PAX1: variants seen among roughly 807,000 people sequenced by gnomAD.
PAX1 encodes paired box 1, also known as paired box protein Pax-1.
A neutral mutation model predicts 35.6 loss-of-function variants in PAX1; 18 were observed. That is an observed-to-expected ratio of 0.50 (90% CI 0.35 to 0.75). The LOEUF (loss-of-function observed/expected upper bound fraction) is 0.75. Among genes scored for constraint, PAX1 ranks in the 30% least tolerant of loss-of-function variants. The pLI, the probability that PAX1 is intolerant of heterozygous loss-of-function variation, is 0.01. For missense variants in PAX1, 760 were observed against 661.5 expected, an observed-to-expected ratio of 1.15 and a Z score of -1.63; for synonymous variants, 397 against 305.2, an observed-to-expected ratio of 1.30 and a Z score of -3.14.
Position 21,708,496 on chromosome 20 carries a change from G to T in PAX1, c.917-62G>T. On this transcript the variant is annotated intron_variant, in intron 2 of 4. Coordinates refer to ENST00000613128, the MANE Select transcript of PAX1 (RefSeq NM_001257096.2). ...TCTTCAGATACAAATTGGGTGGTTG[G>T]CCACACGTGTGCCCAGGGCAGATTC... The T allele has an allele frequency of 2.5e-6, 4 of 1,601,516 alleles. No homozygotes were observed. The South Asian group carries it at 4.4e-5, about 18-fold the overall frequency.
rs1298497865 is a variant in PAX1, at chr20:21,715,020, TG to T, written c.*459del. Reference sequence around the variant, plus strand: ...TTCCCCGACCTTCCAGGGCTCCCTCTGCCCTTCCACTCTCTTTTCCTTGCTC... The same window carrying T: ...TTCCCCGACCTTCCAGGGCTCCCTCTCCCTTCCACTCTCTTTTCCTTGCTC... On this transcript the variant is annotated 3_prime_UTR_variant, in exon 5 of 5. Coordinates refer to ENST00000613128, the MANE Select transcript of PAX1 (RefSeq NM_001257096.2). 1 of 627,350 alleles carries T rather than the reference TG, an allele frequency of 1.6e-6. No individual in the cohort carries two copies. The highest frequency in any genetic ancestry group is 1.8e-5 in the African/African-American group (1 of 54,606). 38.9% of individuals were successfully genotyped at this position (627,350 alleles called of 1,614,324 possible). A position where few individuals can be genotyped will look rare whatever the true frequency, so the allele number is the denominator to read the frequency against.
At position 21,706,565 on chromosome 20, in the gene PAX1, G is replaced by C. The variant is rs773278440; in HGVS notation, c.414G>C (p.Arg138=). 1.2e-6 allele frequency: 2 copies of C among 1,612,232 alleles called. No individual in the cohort carries two copies. Among genetic ancestry groups the C allele is most frequent in the South Asian group, 1.1e-5 (1 of 91,088 alleles). The change falls in exon 2 of 5, where the codon CGG becomes CGC. Residue 138 remains arginine (R), a synonymous_variant. Coordinates refer to ENST00000613128, the MANE Select transcript of PAX1 (RefSeq NM_001257096.2). This position sits in a 1 kb window ranked among gnomAD's most constrained non-coding sequence, Gnocchi z 5.3. ...QLGIRPCDIS[R]QLRVSHGCVS... ...GCATCCGACCCTGTGACATCAGTCG[G>C]CAGCTCCGCGTATCCCACGGCTGCG...
Position 21,706,850 on chromosome 20 carries a change from G to T in PAX1, c.699G>T (p.Pro233=). The T allele has an allele frequency of 6.2e-7, 1 of 1,613,368 alleles. No homozygotes were observed. Among genetic ancestry groups the T allele is most frequent in the Non-Finnish European group, 8.5e-7 (1 of 1,180,014 alleles). The change falls in exon 2 of 5, where the codon CCG becomes CCT. Residue 233 remains proline (P), a synonymous_variant. Coordinates refer to ENST00000613128, the MANE Select transcript of PAX1 (RefSeq NM_001257096.2). The surrounding 1 kb of genome is among the most constrained non-coding windows in gnomAD (Gnocchi z 5.3). ...NKIGSLAQPG[P]YEASKQPPSQ... is the part of the protein sequence containing the mutation. ...TCGGCAGCCTGGCGCAGCCCGGACC[G>T]TACGAGGCAAGTAAGCAGCCGCCGT...
At position 21,706,051 on chromosome 20, in the gene PAX1, T is replaced by C; in HGVS notation, c.286+53T>C. On this transcript the variant is annotated intron_variant, in intron 1 of 4. Transcript: ENST00000613128. This position sits in a 1 kb window ranked among gnomAD's most constrained non-coding sequence, Gnocchi z 5.3. ...GGGAGGGCTGATGAGGTGGGTCGGGTCCGCCTGCCTCCCTTCCCTCTCGTC... is the reference window on the plus strand; with the variant it reads ...GGGAGGGCTGATGAGGTGGGTCGGGCCCGCCTGCCTCCCTTCCCTCTCGTC... 1 of 1,343,450 alleles carries C rather than the reference T, an allele frequency of 7.4e-7. No homozygotes were observed. Among genetic ancestry groups the C allele is most frequent in the Non-Finnish European group, 9.9e-7 (1 of 1,006,510 alleles). 83.2% of individuals were successfully genotyped at this position (1,343,450 alleles called of 1,614,324 possible).
At position 21,705,849 on chromosome 20, in the gene PAX1, G is replaced by A; in HGVS notation, c.137G>A (p.Gly46Asp). The A allele has an allele frequency of 7.3e-7, 1 of 1,372,176 alleles. No homozygotes were observed. 85.0% of individuals were successfully genotyped at this position (1,372,176 alleles called of 1,614,324 possible). A position where few individuals can be genotyped will look rare whatever the true frequency, so the allele number is the denominator to read the frequency against. ...CAGCGCGTCTCCAGCCCGCGGCTGG[G>A]CCGCCGCGGCTCTCGGCTCTCGGGC... ...RAQRVSSPRLGRRGSRLSGAL... is the reference protein window; with the variant it reads ...RAQRVSSPRLDRRGSRLSGAL... Residue 46 changes from glycine to aspartate, a missense_variant, in exon 1 of 5, where the codon GGC becomes GAC. This residue lies in a region of PAX1 where 222 missense variants were observed against 153.0 expected (regional missense o/e 1.45). Transcript: ENST00000613128.
At chr20:21,710,623 T>G (rs1314067914) in intron 4 of PAX1, among the ~76,000 whole-genome samples, 1 of 139,230 alleles carries the variant, frequency 7.2e-6, no homozygotes, top group Admixed American at 7.8e-5. Flanking sequence ...TCCTCCTTGG[T>G]GCTGCCCAGG....
intron 4 of PAX1, among the ~76,000 whole-genome samples, chr20:21,713,289 G>C (rs1407698113): frequency 6.6e-6 from 1 of 152,172 alleles, no homozygotes; most frequent in Non-Finnish European, 1.5e-5. Flanking sequence ...AAAAAGAGCT[G>C]AGAGCCAGGG....
intron 4 of PAX1, among the ~76,000 whole-genome samples, chr20:21,713,246 C>A (rs901814466): frequency 6.6e-6 from 1 of 152,176 alleles, no homozygotes; most frequent in Non-Finnish European, 1.5e-5. Context: ...GGTCTGAATA[C>A]TTGTTGGCTG....
intron 2 of PAX1, among the ~76,000 whole-genome samples, chr20:21,707,517 G>C (rs1162456264): frequency 6.6e-6 from 1 of 152,190 alleles, no homozygotes; most frequent in Non-Finnish European, 1.5e-5. Flanking sequence ...GGTCGATTGA[G>C]TGGCCTACAT....
chr20:21,715,528 G>A lies in PAX1; in HGVS notation c.*966G>A, dbSNP rs1775893198. 6.6e-6 allele frequency: 1 copy of A among 152,344 alleles called. No homozygotes were observed. The highest frequency in any genetic ancestry group is 1.5e-5 in the Non-Finnish European group (1 of 68,224). 9.4% of individuals were successfully genotyped at this position (152,344 alleles called of 1,614,324 possible). On this transcript the variant is annotated 3_prime_UTR_variant, in exon 5 of 5. Transcript: ENST00000613128. ...TGTCACCCCAAAGAAGACTGGGGTAGGAGTAGGGAGCACAGGGGTTGTTGG... is the reference window on the plus strand; with the variant it reads ...TGTCACCCCAAAGAAGACTGGGGTAAGAGTAGGGAGCACAGGGGTTGTTGG...
At chr20:21,712,011 G>A (rs1985211496) in intron 4 of PAX1, among the ~76,000 whole-genome samples, 1 of 152,134 alleles carries the variant, frequency 6.6e-6, no homozygotes, top group Admixed American at 6.5e-5. Context: ...TTTTCAGTAA[G>A]AAAAAATTCT....
At chr20:21,710,114 C>T (rs890513630) in intron 4 of PAX1, among the ~76,000 whole-genome samples, 21 of 151,852 alleles carry the variant, frequency 1.4e-4, no homozygotes, top group African/African-American at 5.1e-4. Context: ...TTCTCTCTTT[C>T]TGTGGAAAAT....
chr20:21,706,756 C>A lies in PAX1; in HGVS notation c.605C>A (p.Ala202Asp), dbSNP rs1337430085. Residue 202 changes from alanine (A) to aspartate (D), a missense_variant, in exon 2 of 5, where the codon GCC becomes GAC. Ala to Asp is a moderately radical substitution (Grantham distance 126). This residue lies in a region of PAX1 where 490 missense variants were observed against 428.4 expected (regional missense o/e 1.14). Transcript: ENST00000613128. The surrounding 1 kb of genome is among the most constrained non-coding windows in gnomAD (Gnocchi z 5.3). ...FAWEIRDRLL[A>D]DGVCDKYNVP... ...TGGGAGATCCGCGACCGGCTGCTGG[C>A]CGACGGCGTCTGTGACAAGTACAAT... The A allele has an allele frequency of 1.2e-6, 2 of 1,613,286 alleles. No individual in the cohort carries two copies. The highest frequency in any genetic ancestry group is 3.3e-5 in the Admixed American group (2 of 60,016).
At position 21,715,075 on chromosome 20, in the gene PAX1, C is replaced by T; in HGVS notation, c.*513C>T. On this transcript the variant is annotated 3_prime_UTR_variant, in exon 5 of 5. Coordinates refer to ENST00000613128, the MANE Select transcript of PAX1 (RefSeq NM_001257096.2). Reference sequence around the variant, plus strand: ...CCTCTGCTCCAGTCCCGCTTCTTCCCCCGTCTCCTCTTTCTAGTCCTCTAT... The same window carrying T: ...CCTCTGCTCCAGTCCCGCTTCTTCCTCCGTCTCCTCTTTCTAGTCCTCTAT... 1 of 570,012 alleles carries T rather than the reference C, an allele frequency of 1.8e-6. No individual in the cohort carries two copies. The highest frequency in any genetic ancestry group is 2.0e-5 in the South Asian group (1 of 48,898). 35.3% of individuals were successfully genotyped at this position (570,012 alleles called of 1,614,324 possible).
At chr20:21,711,632 A>G (rs1985201370) in intron 4 of PAX1, among the ~76,000 whole-genome samples, 1 of 152,214 alleles carries the variant, frequency 6.6e-6, no homozygotes, top group African/African-American at 2.4e-5. Flanking sequence ...GGTTCTAATA[A>G]AAGATAATCA....
chr20:21,706,020 G>A lies in PAX1; in HGVS notation c.286+22G>A. On this transcript the variant is annotated intron_variant, in intron 1 of 4. Transcript: ENST00000613128. The surrounding 1 kb of genome is among the most constrained non-coding windows in gnomAD (Gnocchi z 5.3). Reference sequence around the variant, plus strand: ...ATGGGTAAGGGGCGGGCGACAGGCAGGGCTCGGGAGGGCTGATGAGGTGGG... The same window carrying A: ...ATGGGTAAGGGGCGGGCGACAGGCAAGGCTCGGGAGGGCTGATGAGGTGGG... 2 of 1,453,484 alleles carry A rather than the reference G, an allele frequency of 1.4e-6. No individual in the cohort carries two copies. The highest frequency in any genetic ancestry group is 1.4e-5 in the South Asian group (1 of 70,130). 90.0% of individuals were successfully genotyped at this position (1,453,484 alleles called of 1,614,324 possible).
intron 2 of PAX1, among the ~76,000 whole-genome samples, chr20:21,707,858 C>T (rs1985067632): frequency 6.6e-6 from 1 of 152,074 alleles, no homozygotes; most frequent in Admixed American, 6.5e-5. Context: ...AGAGTGGTGG[C>T]TGGAAAGAAA....
Position 21,706,391 on chromosome 20 carries a change from G to T in PAX1, c.287-47G>T. On this transcript the variant is annotated intron_variant, in intron 1 of 4. Transcript: ENST00000613128. The surrounding 1 kb of genome is among the most constrained non-coding windows in gnomAD (Gnocchi z 5.3). The stretch of plus-strand genomic sequence containing the variant: ...CGTGGGGACCCTTGGCTAACCCGCC[G>T]GGTGTTTTCTCCCCCTCCGGCTCAC... The T allele has an allele frequency of 6.2e-7, 1 of 1,607,172 alleles. No homozygotes were observed. The highest frequency in any genetic ancestry group is 8.5e-7 in the Non-Finnish European group (1 of 1,179,592).
chr20:21,709,534 G>T (rs747889478), intron 4 of PAX1, 90 bp downstream of exon 4: 47 of 1,033,432 alleles, frequency 4.5e-5, no homozygotes, highest in Admixed American at 2.3e-4. Flanking sequence ...AAGGGAGAGC[G>T]GGTGGGGAAG....
Sources: gnomAD v4.1 joint callset for allele counts (sites outside exome capture counted in the v4.1 genomes callset) on GRCh38, gnomAD v4.1.1 for gene constraint, gnomAD v4.1.1 regional missense constraint, Gnocchi (gnomAD v3.1) non-coding constraint, MANE v1.5 for transcripts, NCBI Gene and HGNC (gene_info 2026-07-23, HGNC 2026-07-21) for gene names.